TNPO3: variants seen among roughly 807,000 people sequenced by gnomAD.
TNPO3 encodes the protein transportin 3.
Under a neutral mutation model 122.8 loss-of-function variants are expected in TNPO3, and 65 were observed. The observed-to-expected ratio is 0.53, with a 90% CI of 0.43 to 0.65. TNPO3 has a LOEUF of 0.65. Among genes scored for constraint, TNPO3 ranks in the 30% least tolerant of loss-of-function variants. The pLI is 0.00. For synonymous variants in TNPO3, 372 were observed against 411.2 expected (o/e 0.90, Z 1.15); for missense variants, 850 against 1,136.7 (o/e 0.75, Z 3.63).
intron 14 of TNPO3, among the ~76,000 whole-genome samples, chr7:128,980,556 G>C (rs1799524983): frequency 1.3e-5 from 2 of 152,174 alleles, no homozygotes; most frequent in Admixed American, 1.3e-4. Flanking sequence ...GGCTGGTGGT[G>C]GCACATGCCT....
chr7:129,018,089 A>G lies in TNPO3; in HGVS notation c.189T>C (p.Ala63=), dbSNP rs755216120. 49 of 1,614,084 alleles carry G rather than the reference A, an allele frequency of 3.0e-5. No individual in the cohort carries two copies. The highest frequency in any genetic ancestry group is 3.8e-5 in the Non-Finnish European group (45 of 1,180,046). ...GAATCTTCATTTTCATGGTCTGTGC[A>G]GCAAAATAGCATGACTCCACATCCT... ...IRQDVESCYF[A]AQTMKMKIQT... Residue 63 remains alanine, a synonymous_variant, in exon 2 of 23, where the codon GCT becomes GCC. Transcript: ENST00000265388.
intron 21 of TNPO3, among the ~76,000 whole-genome samples, chr7:128,958,908 G>A (rs1416107791): frequency 6.6e-6 from 1 of 152,208 alleles, no homozygotes. Flanking sequence ...CGAGGCTAAG[G>A]CAGGAGGATA....
At position 129,032,818 on chromosome 7, in the gene TNPO3, T is replaced by C. The variant is rs1205610522; in HGVS notation, c.121-14661A>G. On this transcript the variant is annotated intron_variant, in intron 1 of 22. Transcript: ENST00000265388. The stretch of plus-strand genomic sequence containing the variant: ...AGATTCAATGTAACCTTCACCAAAA[T>C]CTCAATGACGTTTTCTGCAAAAAAT... Among the ~76,000 whole-genome samples the C allele has an allele frequency of 2.6e-5, 4 of 152,238 alleles. No individual in the cohort carries two copies. The South Asian group carries it at 8.3e-4, about 32-fold the overall frequency.
intron 4 of TNPO3, among the ~76,000 whole-genome samples, chr7:129,012,439 C>T (rs550815965): frequency 3.3e-5 from 5 of 152,002 alleles, no homozygotes; most frequent in Non-Finnish European, 2.9e-5. Flanking sequence ...GTTAAGTATC[C>T]CTAATCCAAA....
At chr7:129,012,319 C>G (rs1418146770) in intron 4 of TNPO3, among the ~76,000 whole-genome samples, 2 of 152,128 alleles carry the variant, frequency 1.3e-5, no homozygotes, top group Non-Finnish European at 2.9e-5. Context: ...CAATGAATTT[C>G]TAATACAAAA....
At chr7:128,977,047 T>C (rs1585329426) in intron 16 of TNPO3, among the ~76,000 whole-genome samples, 1 of 152,158 alleles carries the variant, frequency 6.6e-6, no homozygotes, top group Non-Finnish European at 1.5e-5. Context: ...AAATGAATTA[T>C]GGCTATAGCT....
chr7:128,961,088 A>T (rs1585319534), intron 21 of TNPO3, among the ~76,000 whole-genome samples: 1 of 151,998 alleles, frequency 6.6e-6, no homozygotes, highest in Admixed American at 6.6e-5. Flanking sequence ...TGATGAAAAA[A>T]ATTTTTTTAT....
intron 4 of TNPO3, among the ~76,000 whole-genome samples, chr7:129,010,300 T>C (rs558729527): frequency 2.0e-5 from 3 of 152,272 alleles, no homozygotes; most frequent in African/African-American, 7.2e-5. Flanking sequence ...CTTGAGTAGC[T>C]GGGACTACAG....
At chr7:129,006,210 TA>T (rs1403025374) in intron 4 of TNPO3, among the ~76,000 whole-genome samples, 1 of 152,230 alleles carries the variant, frequency 6.6e-6, no homozygotes, top group Non-Finnish European at 1.5e-5. Flanking sequence ...GTTACAGACT[TA>T]CCCAAGTTGT....
At position 128,957,241 on chromosome 7, in the gene TNPO3, T is replaced by G; in HGVS notation, c.*14A>C. ...ATCCTCACCTGGGTGACAGGCACAG[T>G]GCAGGAGTGTGAGCTATCGAAACAA... On this transcript the variant is annotated 3_prime_UTR_variant, in exon 22 of 23. Coordinates refer to ENST00000265388, the MANE Select transcript of TNPO3 (RefSeq NM_012470.4). 6.2e-7 allele frequency: 1 copy of G among 1,614,016 alleles called. No homozygotes were observed. The highest frequency in any genetic ancestry group is 1.1e-5 in the South Asian group (1 of 91,074).
intron 4 of TNPO3, among the ~76,000 whole-genome samples, chr7:129,006,832 T>A (rs1389359121): frequency 2.6e-5 from 4 of 152,122 alleles, no homozygotes; most frequent in Non-Finnish European, 5.9e-5. Context: ...AAGTGAGGGG[T>A]TAATGAATGA....
intron 1 of TNPO3, among the ~76,000 whole-genome samples, chr7:129,027,438 G>A (rs1171547547): frequency 1.3e-5 from 2 of 151,614 alleles, no homozygotes; most frequent in Admixed American, 6.6e-5. Context: ...GCACACACCT[G>A]TAATCTCAGC....
chr7:129,052,261 A>G (rs1297089143), intron 1 of TNPO3, among the ~76,000 whole-genome samples: 1 of 152,212 alleles, frequency 6.6e-6, no homozygotes, highest in East Asian at 1.9e-4. Flanking sequence ...CAGGGTCAGG[A>G]TATTCATTCC....
chr7:129,014,570 A>T (rs969034037), intron 4 of TNPO3, among the ~76,000 whole-genome samples: 1 of 152,162 alleles, frequency 6.6e-6, no homozygotes, highest in African/African-American at 2.4e-5. Context: ...ACTATCATGT[A>T]TCAATTAGAA....
At chr7:129,046,595 GA>G (rs1441896382) in intron 1 of TNPO3, among the ~76,000 whole-genome samples, 1 of 152,114 alleles carries the variant, frequency 6.6e-6, no homozygotes, top group African/African-American at 2.4e-5. Flanking sequence ...TTCCAAAAAG[GA>G]AAAGTACTAG....
chr7:129,035,238 CA>C (rs1212307096), intron 1 of TNPO3, among the ~76,000 whole-genome samples: 5 of 152,132 alleles, frequency 3.3e-5, no homozygotes, highest in African/African-American at 1.2e-4. Flanking sequence ...AGAGCCACTG[CA>C]GTCCGGCCTG....
At chr7:129,019,547 C>G (rs1804225778) in intron 1 of TNPO3, among the ~76,000 whole-genome samples, 1 of 152,130 alleles carries the variant, frequency 6.6e-6, no homozygotes, top group African/African-American at 2.4e-5. Flanking sequence ...TACAGATTTA[C>G]TGACATAAAA....
At chr7:129,051,351 T>C (rs995515727) in intron 1 of TNPO3, among the ~76,000 whole-genome samples, 1 of 114,414 alleles carries the variant, frequency 8.7e-6, no homozygotes, top group Non-Finnish European at 1.8e-5. Context: ...TTTGGAGGTG[T>C]GGTGACTTTT....
chr7:129,024,808 G>A (rs1262091650), intron 1 of TNPO3, among the ~76,000 whole-genome samples: 3 of 152,110 alleles, frequency 2.0e-5, no homozygotes, highest in Non-Finnish European at 4.4e-5. Flanking sequence ...AGGATCACTT[G>A]AGGCCAGGAG....
Sources: gnomAD v4.1 joint callset for allele counts (sites outside exome capture counted in the v4.1 genomes callset) on GRCh38, gnomAD v4.1.1 for gene constraint, MANE v1.5 for transcripts, NCBI Gene and HGNC (gene_info 2026-07-23, HGNC 2026-07-21) for gene names.